B3GALNT2: variants seen among roughly 807,000 people sequenced by gnomAD.
B3GALNT2 encodes the protein beta-1,3-N-acetylgalactosaminyltransferase 2, also known as UDP-GalNAc:beta-1,3-N-acetylgalactosaminyltransferase 2.
A neutral mutation model predicts 61.1 loss-of-function variants in B3GALNT2; 53 were observed. The observed-to-expected ratio is 0.87, with a 90% confidence interval of 0.70 to 1.09. B3GALNT2 has a LOEUF of 1.09. Among genes scored for constraint, B3GALNT2 ranks in the 50% least tolerant of loss-of-function variants. The pLI, the probability that B3GALNT2 is intolerant of heterozygous loss-of-function variation, is 0.00. For missense variants in B3GALNT2, 544 were observed against 623.0 expected (o/e 0.87, Z 1.35); for synonymous variants, 223 against 237.4 (o/e 0.94, Z 0.56).
At chr1:235,479,089 T>G (rs1400008168) in intron 5 of B3GALNT2, 1 of 152,228 alleles carries the variant, frequency 6.6e-6, no homozygotes, top group Non-Finnish European at 1.5e-5. Flanking sequence ...CTGACAGAAT[T>G]AACATATAGT....
At chr1:235,499,062 G>A (rs553899926) in intron 1 of B3GALNT2, among the ~76,000 whole-genome samples, 3 of 152,090 alleles carry the variant, frequency 2.0e-5, no homozygotes, top group South Asian at 2.1e-4. Flanking sequence ...TATTAATAGC[G>A]AAAAACTGCA....
downstream of B3GALNT2, among the ~76,000 whole-genome samples, chr1:235,446,922 C>T (rs991973651): frequency 4.6e-5 from 7 of 151,948 alleles, no homozygotes; most frequent in African/African-American, 1.7e-4. Context: ...GGGCTCTGAT[C>T]CCTCTGCCTC....
intron 5 of B3GALNT2, among the ~76,000 whole-genome samples, chr1:235,475,453 G>T (rs1428211565): frequency 6.6e-6 from 1 of 152,038 alleles, no homozygotes; most frequent in African/African-American, 2.4e-5. Flanking sequence ...TGTGACTCCA[G>T]GCAATCACCA....
chr1:235,448,313 T>G lies in B3GALNT2; in HGVS notation c.*1893A>C. ...GCTAGTTTTACAGGTAACTGTCATT[T>G]GAGAGAACGAATGGACTTTTCTTGT... is the stretch of plus-strand genomic sequence containing the variant. On this transcript the variant is annotated 3_prime_UTR_variant, in exon 12 of 12. Coordinates refer to ENST00000366600, the MANE Select transcript of B3GALNT2 (RefSeq NM_152490.5). 4 of 1,580,056 alleles carry G rather than the reference T, an allele frequency of 2.5e-6. No individual in the cohort carries two copies. The highest frequency in any genetic ancestry group is 3.5e-6 in the Non-Finnish European group (4 of 1,149,070).
intron 5 of B3GALNT2, among the ~76,000 whole-genome samples, chr1:235,474,971 ATATATATATATATATATTT>A (rs1440059566): frequency 0.015 from 447 of 30,086 alleles, 24 homozygotes; most frequent in South Asian, 0.051. Flanking sequence ...ATATATATAT[ATATATATATATATATATTT>A]TTTTTTTTTT....
At chr1:235,464,949 A>G (rs560934051) in intron 7 of B3GALNT2, 3 of 152,206 alleles carry the variant, frequency 2.0e-5, no homozygotes, top group Non-Finnish European at 4.4e-5. Context: ...GAATATGGAG[A>G]AACTAGAATC....
At chr1:235,479,368 G>A (rs1684448494) in intron 5 of B3GALNT2, 1 of 152,226 alleles carries the variant, frequency 6.6e-6, no homozygotes, top group African/African-American at 2.4e-5. Flanking sequence ...GTTCAGGAAT[G>A]TACTCGGCCT....
chr1:235,468,740 C>T (rs538670616), intron 6 of B3GALNT2, among the ~76,000 whole-genome samples: 29 of 152,090 alleles, frequency 1.9e-4, no homozygotes, highest in African/African-American at 6.3e-4. Context: ...CGTGAGCCAC[C>T]GCGCCCGGCC....
At position 235,504,265 on chromosome 1, in the gene B3GALNT2, C is replaced by T. The variant is rs1263455612; in HGVS notation, c.-13G>A. 6.7e-7 allele frequency: 1 copy of T among 1,486,764 alleles called. No homozygotes were observed. The highest frequency in any genetic ancestry group is 8.9e-7 in the Non-Finnish European group (1 of 1,124,302). 92.1% of individuals were successfully genotyped at this position (1,486,764 alleles called of 1,614,324 possible). ...GCCAGTTTCGCATTGGCCGCCCCCG[C>T]CGCGAGCCGGGCTCTCCCGCGTCCC... On this transcript the variant is annotated 5_prime_UTR_variant, in exon 1 of 12. Transcript: ENST00000366600.
At chr1:235,461,586 G>A (rs1477053235) in intron 7 of B3GALNT2, among the ~76,000 whole-genome samples, 3 of 129,984 alleles carry the variant, frequency 2.3e-5, no homozygotes, top group Admixed American at 1.0e-4. Context: ...GCGCTATCTC[G>A]GCTCACTGCA....
At position 235,500,843 on chromosome 1, in the gene B3GALNT2, T is replaced by C. The variant is rs372818682; in HGVS notation, c.112+3298A>G. Among the ~76,000 whole-genome samples the C allele has an allele frequency of 7.0e-4, 107 of 152,340 alleles. 1 individual carries two copies. The highest frequency in any genetic ancestry group is 2.6e-3 in the African/African-American group (107 of 41,574). On this transcript the variant is annotated intron_variant, in intron 1 of 11. Coordinates refer to ENST00000366600, the MANE Select transcript of B3GALNT2 (RefSeq NM_152490.5). ...CAATAAGTCTATGAGATCATCATCT[T>C]ATAAATAAGGAAACTGAAGCACAGA... is the stretch of plus-strand genomic sequence containing the variant.
At chr1:235,440,137 A>G in the B3GALNT2 span, among the ~76,000 whole-genome samples, 2 of 151,808 alleles carry the variant, frequency 1.3e-5, no homozygotes, top group Non-Finnish European at 2.9e-5. Context: ...CACCCGGCTA[A>G]TTTTTTGTAT....
chr1:235,452,265 C>A (rs768972791), intron 11 of B3GALNT2: 1 of 152,122 alleles, frequency 6.6e-6, no homozygotes, highest in African/African-American at 2.4e-5. Context: ...CTGCCCGCCT[C>A]GGCCTTCTGT....
intron 7 of B3GALNT2, among the ~76,000 whole-genome samples, chr1:235,460,886 CATG>C (rs781694149): frequency 1.2e-4 from 18 of 152,160 alleles, no homozygotes; most frequent in Non-Finnish European, 2.5e-4. Context: ...TATGCCTGGC[CATG>C]ATATTTCATA....
chr1:235,494,844 A>C lies in B3GALNT2; in HGVS notation c.113-16T>G. 1 of 1,581,172 alleles carries C rather than the reference A, an allele frequency of 6.3e-7. No individual in the cohort carries two copies. Among genetic ancestry groups the C allele is most frequent in the Non-Finnish European group, 8.7e-7 (1 of 1,153,516 alleles). ...GCCAACTGATCTAGAAATAAGAACA[A>C]TACATGAGAAATAAGTCATGTATCA... is the stretch of plus-strand genomic sequence containing the variant. On this transcript the variant is annotated splice_polypyrimidine_tract_variant and intron_variant, in intron 1 of 11. Transcript: ENST00000366600.
rs1683964380 is a variant in B3GALNT2 at position 235,470,858 on chromosome 1, C to T, written c.754G>A (p.Val252Ile). The T allele has an allele frequency of 1.9e-6, 3 of 1,613,664 alleles. No individual in the cohort carries two copies. The African/African-American group carries it at 4.0e-5, about 22-fold the overall frequency. Residue 252 changes from valine to isoleucine, a missense_variant, in exon 6 of 12, where the codon GTC (valine) becomes ATC (isoleucine). Val to Ile is a conservative substitution (Grantham distance 29). Coordinates refer to ENST00000366600, the MANE Select transcript of B3GALNT2 (RefSeq NM_152490.5). ...TVNDGGGVLR[V>I]ITAGEGALPH... ...AAAAAAAAACGACTTACTGTAATGA[C>T]TCTGAGAACTCCCCCTCCATCATTC...
At chr1:235,486,225 T>C (rs866389425) in intron 3 of B3GALNT2, among the ~76,000 whole-genome samples, 5 of 152,190 alleles carry the variant, frequency 3.3e-5, no homozygotes, top group African/African-American at 9.7e-5. Context: ...TCCTACCTAA[T>C]TATAGACATG....
chr1:235,489,465 G>T (rs1158400037), intron 2 of B3GALNT2, among the ~76,000 whole-genome samples, 197 bp from the exon 3 acceptor site: 1 of 118,430 alleles, frequency 8.4e-6, no homozygotes, highest in Non-Finnish European at 2.0e-5. Context: ...ACTTATGCAT[G>T]AGTCCTTATT....
At chr1:235,474,783 T>C (rs2102821965) in intron 5 of B3GALNT2, among the ~76,000 whole-genome samples, 1 of 151,570 alleles carries the variant, frequency 6.6e-6, no homozygotes, top group African/African-American at 2.4e-5. Context: ...ATTGAGCCAT[T>C]GCACTCCAGC....
Sources: gnomAD v4.1 joint callset for allele counts (sites outside exome capture counted in the v4.1 genomes callset) on GRCh38, gnomAD v4.1.1 for gene constraint, MANE v1.5 for transcripts, NCBI Gene and HGNC (gene_info 2026-07-23, HGNC 2026-07-21) for gene names.